The following PPP2R2C variants were observed in gnomAD, a reference collection of about 807,000 sequenced individuals.
PPP2R2C encodes protein phosphatase 2 regulatory subunit Bgamma.
A neutral mutation model predicts 45.3 loss-of-function variants in PPP2R2C; 10 were observed. The observed-to-expected ratio is 0.22, with a 90% CI of 0.14 to 0.37. PPP2R2C has a LOEUF of 0.37. Among genes scored for constraint, PPP2R2C ranks in the 10% least tolerant of loss-of-function variants. The pLI, the probability that PPP2R2C is intolerant of heterozygous loss-of-function variation, is 1.00. For synonymous variants in PPP2R2C, 257 were observed against 245.4 expected, an observed-to-expected ratio of 1.05 and a Z score of -0.44; for missense variants, 308 against 619.7, an observed-to-expected ratio of 0.50 and a Z score of 5.34.
chr4:6,559,380 C>G (rs1157035238), intron 1 of PPP2R2C, among the ~76,000 whole-genome samples: 1 of 150,336 alleles, frequency 6.7e-6, no homozygotes. Context: ...AATGGCAGTT[C>G]TGAAAAAATA....
chr4:6,462,478 T>TA (rs113106569), intron 1 of PPP2R2C, among the ~76,000 whole-genome samples: 20 of 151,354 alleles, frequency 1.3e-4, no homozygotes, highest in Middle Eastern at 3.4e-3. Flanking sequence ...AACTCCGTCT[T>TA]AAAAAAAATA....
intron 2 of PPP2R2C, among the ~76,000 whole-genome samples, chr4:6,505,134 C>T (rs1024985954): frequency 1.5e-4 from 22 of 150,900 alleles, no homozygotes; most frequent in African/African-American, 4.1e-4. Flanking sequence ...GGCCAGAAGG[C>T]GGTGGGATGA....
intron 1 of PPP2R2C, among the ~76,000 whole-genome samples, chr4:6,462,728 C>T (rs1427945317): frequency 1.3e-5 from 2 of 152,164 alleles, no homozygotes; most frequent in African/African-American, 4.8e-5. Flanking sequence ...GATAACAGCA[C>T]TGGGCTACAA....
At chr4:6,556,886 G>A (rs930137618) in intron 1 of PPP2R2C, among the ~76,000 whole-genome samples, 3 of 152,174 alleles carry the variant, frequency 2.0e-5, no homozygotes, top group Non-Finnish European at 2.9e-5. Context: ...GGGGAAGGAG[G>A]CGGCAACCCT....
chr4:6,417,794 C>T (rs553867420), intron 1 of PPP2R2C, among the ~76,000 whole-genome samples: 8 of 152,346 alleles, frequency 5.3e-5, no homozygotes, highest in South Asian at 4.1e-4. Context: ...ACTCAGAGGA[C>T]GGCCCTCGTC....
intron 5 of PPP2R2C, among the ~76,000 whole-genome samples, chr4:6,356,989 CTG>C (rs1275533176): frequency 2.6e-5 from 4 of 151,588 alleles, no homozygotes; most frequent in African/African-American, 4.9e-5. Context: ...TCTCTGGACT[CTG>C]TGTCTTCTGA....
intron 5 of PPP2R2C, among the ~76,000 whole-genome samples, chr4:6,371,223 C>T (rs1185649234): frequency 2.6e-5 from 4 of 152,258 alleles, no homozygotes; most frequent in African/African-American, 7.2e-5. Flanking sequence ...GAAGCCCACA[C>T]ATGTGCCCCG....
chr4:6,389,624 C>T (rs2109329772), intron 1 of PPP2R2C, among the ~76,000 whole-genome samples: 1 of 152,320 alleles, frequency 6.6e-6, no homozygotes, highest in Admixed American at 6.5e-5. Context: ...GAGCCCCCTC[C>T]TCACGGAGTC....
At chr4:6,356,194 G>A (rs1332522128) in intron 5 of PPP2R2C, among the ~76,000 whole-genome samples, 1 of 152,104 alleles carries the variant, frequency 6.6e-6, no homozygotes. Context: ...CACCTGACTA[G>A]GCAAAGTTGT....
At chr4:6,430,506 A>T (rs983920552) in intron 1 of PPP2R2C, among the ~76,000 whole-genome samples, 2 of 152,192 alleles carry the variant, frequency 1.3e-5, no homozygotes, top group Admixed American at 1.3e-4. Context: ...AGTCTCCGTG[A>T]AGAAAGCCTC....
chr4:6,556,000 C>A (rs528178916), intron 1 of PPP2R2C, among the ~76,000 whole-genome samples: 2 of 152,252 alleles, frequency 1.3e-5, no homozygotes, highest in South Asian at 2.1e-4. Context: ...AGAGTGAGCC[C>A]TGGGGTGGCT....
At chr4:6,516,362 C>T (rs980563180) in intron 2 of PPP2R2C, among the ~76,000 whole-genome samples, 2 of 152,218 alleles carry the variant, frequency 1.3e-5, no homozygotes, top group African/African-American at 4.8e-5. Context: ...CAAATTCCTG[C>T]CCGTTGCCTC....
intron 6 of PPP2R2C, among the ~76,000 whole-genome samples, chr4:6,342,776 G>A (rs895939432): frequency 9.2e-5 from 14 of 152,202 alleles, no homozygotes; most frequent in South Asian, 4.1e-4. Context: ...CCAGTGCTTC[G>A]GAGAAAGGTG....
chr4:6,559,559 A>G (rs73796263), intron 1 of PPP2R2C, among the ~76,000 whole-genome samples: 3,140 of 152,234 alleles, frequency 0.021, 111 homozygotes, highest in African/African-American at 0.072. Context: ...AACTTCCTCC[A>G]AAATCCCCCC....
chr4:6,494,996 G>T (rs996648284), intron 2 of PPP2R2C, among the ~76,000 whole-genome samples: 1 of 152,214 alleles, frequency 6.6e-6, no homozygotes, highest in Non-Finnish European at 1.5e-5. Flanking sequence ...AGCTGTCCAC[G>T]CAGCGAGGTT....
intron 1 of PPP2R2C, among the ~76,000 whole-genome samples, chr4:6,553,923 G>A (rs543621401): frequency 3.3e-5 from 5 of 152,214 alleles, no homozygotes; most frequent in African/African-American, 9.6e-5. Context: ...AAATGGCCTC[G>A]GTCCCAGTGT....
At chr4:6,456,694 G>A (rs1005484466) in intron 1 of PPP2R2C, among the ~76,000 whole-genome samples, 1 of 152,146 alleles carries the variant, frequency 6.6e-6, no homozygotes, top group East Asian at 1.9e-4. Flanking sequence ...TGCCCCTCAC[G>A]GTGAACCACG....
chr4:6,355,862 TG>T (rs1274988218), intron 5 of PPP2R2C, among the ~76,000 whole-genome samples: 3 of 151,762 alleles, frequency 2.0e-5, no homozygotes, highest in Non-Finnish European at 4.4e-5. Flanking sequence ...GGCGTGGTAG[TG>T]GGCACCTGTA....
At chr4:6,420,965 C>T in intron 1 of PPP2R2C, 1 of 985,258 alleles carries the variant, frequency 1.0e-6, no homozygotes, top group Non-Finnish European at 1.2e-6. Flanking sequence ...CTCAGAAGGG[C>T]AGCAGCCAAG....
Sources: gnomAD v4.1 joint callset for allele counts (sites outside exome capture counted in the v4.1 genomes callset) on GRCh38, gnomAD v4.1.1 for gene constraint, MANE v1.5 for transcripts, NCBI Gene and HGNC (gene_info 2026-07-23, HGNC 2026-07-21) for gene names.